Variants in SNX27 observed in about 807,000 individuals in gnomAD.
SNX27 encodes the protein sorting nexin 27, also known as sorting nexin-27.
A neutral mutation model predicts 71.6 loss-of-function variants in SNX27; 22 were observed. The observed-to-expected ratio is 0.31, with a 90% CI of 0.22 to 0.44. The LOEUF (loss-of-function observed/expected upper bound fraction) is 0.44. Ranked by LOEUF, SNX27 falls within the 20% of genes least tolerant of loss-of-function variation. The pLI is 1.00. For synonymous variants in SNX27, 269 were observed against 277.2 expected, an observed-to-expected ratio of 0.97 and a Z score of 0.29; for missense variants, 531 against 698.6, an observed-to-expected ratio of 0.76 and a Z score of 2.70.
rs1200740114 is a variant in SNX27, at chr1:151,655,568, C to T, written c.544-2667C>T. Reference sequence around the variant, plus strand: ...TGCCAAACTCTGTTTGGGTACCCCTCCCTGAGCTGCAGTTTAGGAGTTACC... The same window carrying T: ...TGCCAAACTCTGTTTGGGTACCCCTTCCTGAGCTGCAGTTTAGGAGTTACC... On this transcript the variant is annotated intron_variant, in intron 2 of 11. Coordinates refer to ENST00000458013, the MANE Select transcript of SNX27 (RefSeq NM_001330723.2). Among the ~76,000 whole-genome samples the T allele has an allele frequency of 2.6e-5, 4 of 152,300 alleles. No homozygotes were observed. The East Asian group carries it at 7.7e-4, about 29-fold the overall frequency.
Position 151,612,193 on chromosome 1 carries a change from G to A in SNX27, c.-9G>A, listed in dbSNP as rs994902235. The A allele has an allele frequency of 2.2e-6, 3 of 1,338,294 alleles. No homozygotes were observed. Among genetic ancestry groups the A allele is most frequent in the Admixed American group, 3.9e-5 (1 of 25,408 alleles). 82.9% of individuals were successfully genotyped at this position (1,338,294 alleles called of 1,614,324 possible). Reference sequence around the variant, plus strand: ...TAGGGGGCGGGGGTACGGCTCGCCTGCTCGCAAGATGGCGGACGAGGACGG... The same window carrying A: ...TAGGGGGCGGGGGTACGGCTCGCCTACTCGCAAGATGGCGGACGAGGACGG... On this transcript the variant is annotated 5_prime_UTR_variant, in exon 1 of 12. Transcript: ENST00000458013. The surrounding 1 kb of genome is among the most constrained non-coding windows in gnomAD (Gnocchi z 5.2).
At chr1:151,683,549 ACT>A in intron 8 of SNX27, 104 bp downstream of exon 8, 1 of 765,326 alleles carries the variant, frequency 1.3e-6, no homozygotes, top group Non-Finnish European at 2.1e-6. Context: ...TAGTGGCTTA[ACT>A]AATTTTAAAA....
chr1:151,690,340 G>A (rs1013293450), intron 8 of SNX27, among the ~76,000 whole-genome samples: 1 of 151,824 alleles, frequency 6.6e-6, no homozygotes, highest in African/African-American at 2.4e-5. Context: ...CTCACCCCAG[G>A]GATTTTTAAA....
chr1:151,671,652 T>C (rs1440748862), intron 7 of SNX27, among the ~76,000 whole-genome samples: 1 of 152,156 alleles, frequency 6.6e-6, no homozygotes, highest in Non-Finnish European at 1.5e-5. Context: ...GGTATTTTGA[T>C]AGGGATTGCA....
At chr1:151,677,094 G>A (rs1670736002) in intron 7 of SNX27, 1 of 151,592 alleles carries the variant, frequency 6.6e-6, no homozygotes, top group African/African-American at 2.4e-5. Context: ...TAAAAGTCTT[G>A]ATATTCTTTC....
intron 1 of SNX27, among the ~76,000 whole-genome samples, chr1:151,625,526 A>T (rs1296616167): frequency 6.6e-6 from 1 of 151,220 alleles, no homozygotes; most frequent in East Asian, 1.9e-4. Context: ...AAAGATAAAT[A>T]AAAAAATATT....
chr1:151,678,503 C>G (rs1323143306), intron 7 of SNX27: 1 of 152,038 alleles, frequency 6.6e-6, no homozygotes, highest in Non-Finnish European at 1.5e-5. Flanking sequence ...ATCCATTGAT[C>G]CATGGACAGT....
intron 6 of SNX27, among the ~76,000 whole-genome samples, chr1:151,667,826 CAAAAAAAAAAAA>C (rs138979420): frequency 1.3e-5 from 1 of 74,178 alleles, no homozygotes; most frequent in Non-Finnish European, 2.5e-5. Context: ...GACTCCGTCT[CAAAAAAAAAAAA>C]AAAAAAAAAA....
intron 1 of SNX27, 112 bp from the exon 2 acceptor site, chr1:151,638,776 T>C (rs1040323410): frequency 4.2e-5 from 39 of 930,270 alleles, no homozygotes; most frequent in Non-Finnish European, 6.1e-5. Flanking sequence ...ATTAATCTTT[T>C]GACTTCATGG....
At chr1:151,653,833 T>G (rs1669548312) in intron 2 of SNX27, among the ~76,000 whole-genome samples, 1 of 86,276 alleles carries the variant, frequency 1.2e-5, no homozygotes, top group Non-Finnish European at 3.2e-5. Context: ...GAGAGTTTTT[T>G]TTGTTTTTTT....
chr1:151,633,325 GTC>G (rs1372870378), intron 1 of SNX27, among the ~76,000 whole-genome samples: 2 of 152,078 alleles, frequency 1.3e-5, no homozygotes, highest in Non-Finnish European at 2.9e-5. Context: ...CTGACACAGA[GTC>G]TCACTTTGTC....
intron 2 of SNX27, among the ~76,000 whole-genome samples, chr1:151,650,054 A>C (rs1434707406): frequency 6.6e-6 from 1 of 151,818 alleles, no homozygotes; most frequent in Non-Finnish European, 1.5e-5. Flanking sequence ...CACCCGGCTA[A>C]TTTTTGTATT....
At chr1:151,644,967 T>C (rs1353010416) in intron 2 of SNX27, among the ~76,000 whole-genome samples, 1 of 151,984 alleles carries the variant, frequency 6.6e-6, no homozygotes, top group East Asian at 1.9e-4. Context: ...ACCTGGCTAA[T>C]TTTTGTATTT....
chr1:151,689,872 T>C (rs1357076654), intron 8 of SNX27, among the ~76,000 whole-genome samples: 2 of 151,476 alleles, frequency 1.3e-5, no homozygotes, highest in African/African-American at 2.4e-5. Flanking sequence ...TGAGATGGAG[T>C]CTCAGTCTGT....
At chr1:151,624,911 A>G (rs986257365) in intron 1 of SNX27, among the ~76,000 whole-genome samples, 4 of 152,164 alleles carry the variant, frequency 2.6e-5, no homozygotes, top group African/African-American at 7.2e-5. Flanking sequence ...TTTCTTCCCC[A>G]GTAATAAACT....
At chr1:151,637,913 G>A (rs1445276762) in intron 1 of SNX27, among the ~76,000 whole-genome samples, 1 of 152,232 alleles carries the variant, frequency 6.6e-6, no homozygotes, top group African/African-American at 2.4e-5. Flanking sequence ...TAGAGGTCAG[G>A]TGTGTATTTC....
At chr1:151,663,452 C>T (rs1255277247) in intron 5 of SNX27, among the ~76,000 whole-genome samples, 2 of 151,970 alleles carry the variant, frequency 1.3e-5, no homozygotes, top group Non-Finnish European at 2.9e-5. Flanking sequence ...CCCGGCCTCA[C>T]ATTTGATTTT....
chr1:151,694,429 C>A lies in SNX27; in HGVS notation c.*12C>A. On this transcript the variant is annotated 3_prime_UTR_variant, in exon 12 of 12. Coordinates refer to ENST00000458013, the MANE Select transcript of SNX27 (RefSeq NM_001330723.2). ...ATGTGGCCACCTAGCCTTTCCTTATCCCCTTCCCTTCCCTTCACCCCCATC... is the reference window on the plus strand; with the variant it reads ...ATGTGGCCACCTAGCCTTTCCTTATACCCTTCCCTTCCCTTCACCCCCATC... 1 of 1,549,948 alleles carries A rather than the reference C, an allele frequency of 6.5e-7. No individual in the cohort carries two copies. Among genetic ancestry groups the A allele is most frequent in the Non-Finnish European group, 8.7e-7 (1 of 1,146,574 alleles).
chr1:151,651,491 G>A (rs1426229355), intron 2 of SNX27, among the ~76,000 whole-genome samples: 30 of 150,048 alleles, frequency 2.0e-4, no homozygotes, highest in Non-Finnish European at 3.1e-4. Flanking sequence ...CAGACGAGGC[G>A]GTTGCCGGGC....
Sources: allele counts gnomAD v4.1 joint callset (sites outside exome capture counted in the v4.1 genomes callset), GRCh38; gene constraint gnomAD v4.1.1; non-coding constraint Gnocchi (gnomAD v3.1); transcripts MANE v1.5; gene names NCBI Gene and HGNC (gene_info 2026-07-23, HGNC 2026-07-21).